FRMD6: variants seen among roughly 807,000 people sequenced by gnomAD.
FRMD6 encodes FERM domain containing 6.
Under a neutral mutation model 73.2 loss-of-function variants are expected in FRMD6, and 37 were observed. The observed-to-expected ratio is 0.51, with a 90% CI of 0.39 to 0.66. The LOEUF (loss-of-function observed/expected upper bound fraction) is 0.66. Among genes scored for constraint, FRMD6 ranks in the 30% least tolerant of loss-of-function variants. The pLI is 0.00. For missense variants in FRMD6, 714 were observed against 780.5 expected (o/e 0.91, Z 1.02); for synonymous variants, 273 against 282.2 (o/e 0.97, Z 0.33).
At chr14:51,718,750 A>G (rs1198722236) in intron 10 of FRMD6, among the ~76,000 whole-genome samples, 1 of 152,228 alleles carries the variant, frequency 6.6e-6, no homozygotes, top group Non-Finnish European at 1.5e-5. Flanking sequence ...TGTTTCAGCC[A>G]GTTCCTTAGA....
intron 2 of FRMD6, among the ~76,000 whole-genome samples, chr14:51,591,671 T>C (rs1028703158): frequency 2.0e-5 from 3 of 152,160 alleles, no homozygotes; most frequent in African/African-American, 7.2e-5. Flanking sequence ...GCCTCCCAGT[T>C]AGCTCAGATT....
At chr14:51,397,323 CA>C in the FRMD6 span, among the ~76,000 whole-genome samples, 3 of 152,312 alleles carry the variant, frequency 2.0e-5, no homozygotes, top group African/African-American at 4.8e-5. Context: ...AAGCCCTTTA[CA>C]TAAGGTATTT....
chr14:51,475,529 A>G, the FRMD6 span, among the ~76,000 whole-genome samples: 32 of 152,190 alleles, frequency 2.1e-4, no homozygotes, highest in African/African-American at 7.5e-4. Flanking sequence ...CTCTACATAC[A>G]GCATGAGCCA....
At chr14:51,655,781 A>G (rs1892778228) in intron 1 of FRMD6, among the ~76,000 whole-genome samples, 1 of 152,242 alleles carries the variant, frequency 6.6e-6, no homozygotes, top group African/African-American at 2.4e-5. Context: ...TAAGATCTGT[A>G]TACAAACTTG....
chr14:51,587,632 A>G (rs1889128375), intron 2 of FRMD6, among the ~76,000 whole-genome samples: 1 of 152,026 alleles, frequency 6.6e-6, no homozygotes, highest in African/African-American at 2.4e-5. Context: ...TTTCACTGGG[A>G]TGGAGATGCT....
At chr14:51,404,086 T>C in the FRMD6 span, among the ~76,000 whole-genome samples, 1 of 152,344 alleles carries the variant, frequency 6.6e-6, no homozygotes, top group South Asian at 2.1e-4. Flanking sequence ...CTGATTCTTG[T>C]TATTTTTAGA....
At chr14:51,626,827 T>C (rs1221462043) in intron 2 of FRMD6, among the ~76,000 whole-genome samples, 1 of 152,182 alleles carries the variant, frequency 6.6e-6, no homozygotes, top group Non-Finnish European at 1.5e-5. Flanking sequence ...TTCAGAGTCA[T>C]TGTGAAGATT....
At chr14:51,451,088 G>A in the FRMD6 span, among the ~76,000 whole-genome samples, 3 of 152,216 alleles carry the variant, frequency 2.0e-5, no homozygotes, top group Non-Finnish European at 4.4e-5. Flanking sequence ...GACAAAGGGA[G>A]ATGAGATAGA....
chr14:51,470,869 G>A, the FRMD6 span, among the ~76,000 whole-genome samples: 5 of 152,130 alleles, frequency 3.3e-5, no homozygotes, highest in African/African-American at 4.8e-5. Context: ...AATACACTCT[G>A]TATATTTCAT....
chr14:51,587,907 G>T (rs1889148012), intron 2 of FRMD6, among the ~76,000 whole-genome samples: 1 of 151,968 alleles, frequency 6.6e-6, no homozygotes, highest in African/African-American at 2.4e-5. Flanking sequence ...AATAGAACAA[G>T]AAAAAGTTTA....
Position 51,505,407 on chromosome 14 carries a change from G to A in FRMD6, c.-210+15987G>A, listed in dbSNP as rs150670036. 6.0e-3 allele frequency among the ~76,000 whole-genome samples: 917 copies of A among 152,152 alleles called. 26 individuals are homozygous for A. The highest frequency in any genetic ancestry group is 0.049 in the Admixed American group (750 of 15,284). On this transcript the variant is annotated intron_variant, in intron 1 of 14. Transcript: ENST00000356218. ...TGTTTATCGAATTTTTACATGAATTGTAAAACAAACTGGGCACTTCCTAGA... is the reference window on the plus strand; with the variant it reads ...TGTTTATCGAATTTTTACATGAATTATAAAACAAACTGGGCACTTCCTAGA...
intron 1 of FRMD6, among the ~76,000 whole-genome samples, chr14:51,494,122 A>G (rs567376215): frequency 1.1e-4 from 15 of 136,252 alleles, no homozygotes; most frequent in South Asian, 6.2e-4. Context: ...ATTCTGTCCC[A>G]GTCCCCCAAA....
intron 2 of FRMD6, among the ~76,000 whole-genome samples, chr14:51,609,607 A>G (rs923611437): frequency 1.4e-4 from 22 of 152,212 alleles, no homozygotes; most frequent in African/African-American, 4.8e-4. Flanking sequence ...CATGCGTTCA[A>G]TCAGAGAGAG....
At chr14:51,472,461 G>A in the FRMD6 span, among the ~76,000 whole-genome samples, 6 of 152,022 alleles carry the variant, frequency 3.9e-5, no homozygotes, top group African/African-American at 1.2e-4. Flanking sequence ...CTGCCACCAC[G>A]CCTGGCTAAT....
chr14:51,642,424 C>T (rs1891854626), intron 2 of FRMD6, among the ~76,000 whole-genome samples: 2 of 152,126 alleles, frequency 1.3e-5, no homozygotes, highest in African/African-American at 4.8e-5. Flanking sequence ...CCTGTAATGC[C>T]AGCTACTTGG....
intron 1 of FRMD6, chr14:51,547,776 A>G (rs1886556513): frequency 6.6e-6 from 1 of 152,112 alleles, no homozygotes; most frequent in African/African-American, 2.4e-5. Flanking sequence ...ACCAAATATA[A>G]GAAGAGCATT....
At chr14:51,723,976 T>A (rs951818991) in intron 12 of FRMD6, 3 of 152,180 alleles carry the variant, frequency 2.0e-5, no homozygotes, top group African/African-American at 7.2e-5. Flanking sequence ...AAACTATTAA[T>A]AGCCTTTTAT....
At chr14:51,484,720 A>G (rs891058077), upstream of FRMD6, among the ~76,000 whole-genome samples, 3 of 152,242 alleles carry the variant, frequency 2.0e-5, no homozygotes, top group African/African-American at 7.2e-5. Flanking sequence ...AGAGCCTAGG[A>G]AATGCAGTTT....
intron 1 of FRMD6, among the ~76,000 whole-genome samples, chr14:51,514,069 G>A (rs1014775937): frequency 9.2e-5 from 14 of 152,318 alleles, no homozygotes; most frequent in African/African-American, 3.4e-4. Flanking sequence ...CATGGAAGGT[G>A]CTCAATAAGT....
Sources: allele counts gnomAD v4.1 joint callset (sites outside exome capture counted in the v4.1 genomes callset), GRCh38; gene constraint gnomAD v4.1.1; transcripts MANE v1.5; gene names NCBI Gene and HGNC (gene_info 2026-07-23, HGNC 2026-07-21).